The following MTRR variants were observed in gnomAD, a reference collection of about 807,000 sequenced individuals.
MTRR encodes methionine synthase reductase.
In MTRR, 63 loss-of-function variants were observed where a neutral mutation model predicts 79.2. The ratio of observed to expected loss-of-function variants is 0.80; its 90% CI spans 0.65 to 0.98. The LOEUF (loss-of-function observed/expected upper bound fraction) is 0.98, where lower values mean the gene tolerates loss of function less well. Ranked by LOEUF, MTRR falls within the 50% of genes least tolerant of loss-of-function variation. MTRR has a pLI of 0.00. For missense variants in MTRR, 895 were observed against 839.6 expected (o/e 1.07, Z -0.82); for synonymous variants, 355 against 313.3 (o/e 1.13, Z -1.41).
At chr5:7,852,554 A>G (rs1746107192) in intron 1 of MTRR, among the ~76,000 whole-genome samples, 1 of 152,090 alleles carries the variant, frequency 6.6e-6, no homozygotes. Context: ...CAGGGGACCT[A>G]GCAACCTCAT....
At chr5:7,851,735 A>G (rs564888306) in intron 1 of MTRR, 1 of 152,346 alleles carries the variant, frequency 6.6e-6, no homozygotes, top group South Asian at 2.1e-4. Flanking sequence ...GCTGCTGTGG[A>G]CAGGGCTCTT....
intron 1 of MTRR, chr5:7,861,533 A>G: frequency 7.5e-7 from 1 of 1,327,612 alleles, no homozygotes; most frequent in Non-Finnish European, 1.0e-6. Flanking sequence ...ACCGCTGCTT[A>G]TTAGCCTCAA....
In MTRR at chr5:7,863,765, G is replaced by T. The variant is rs571786874; in HGVS notation, n.498+1708G>T. ...CATGACAGATGCTAATAAATTCCAGGTGTACAACATGCTGACTATAGTTAA... is the reference window on the plus strand; with the variant it reads ...CATGACAGATGCTAATAAATTCCAGTTGTACAACATGCTGACTATAGTTAA... On this transcript the variant is annotated intron_variant and non_coding_transcript_variant, in intron 2 of 3. Transcript: ENST00000502509. Among the ~76,000 whole-genome samples, 4 of 152,268 alleles carry T rather than the reference G, an allele frequency of 2.6e-5. No homozygotes were observed. In the East Asian group the frequency reaches 7.7e-4, roughly 29 times the overall value.
upstream of MTRR, chr5:7,867,066 C>A (rs371410384): frequency 5.6e-6 from 9 of 1,614,062 alleles, no homozygotes; most frequent in African/African-American, 1.2e-4. Context: ...TATATGAACG[C>A]CTCCAAGACT....
chr5:7,897,960 C>T (rs965118079), intron 14 of MTRR, among the ~76,000 whole-genome samples: 3 of 151,648 alleles, frequency 2.0e-5, no homozygotes, highest in African/African-American at 2.4e-5. Context: ...ATACTGGCAT[C>T]GTGACCCAGA....
At position 7,889,241 on chromosome 5, in the gene MTRR, C is replaced by T. The variant is rs766885971; in HGVS notation, c.1293C>T (p.Phe431=). The T allele has an allele frequency of 5.0e-6, 8 of 1,613,082 alleles. No homozygotes were observed. The South Asian group carries it at 6.6e-5, about 13-fold the overall frequency. The part of the protein sequence containing the change: ...CACLLDLLLA[F]PSCQPPLSLL... ...GCTTGTTGGATCTCCTCCTCGCTTT[C>T]CCTTCTTGCCAGCCACCACTCAGTC... Residue 431 remains phenylalanine (F), a synonymous_variant, in exon 9 of 15, where the codon TTC becomes TTT. Coordinates refer to ENST00000440940, the MANE Select transcript of MTRR (RefSeq NM_002454.3).
At chr5:7,853,348 T>A (rs1746131718) in intron 1 of MTRR, among the ~76,000 whole-genome samples, 1 of 152,216 alleles carries the variant, frequency 6.6e-6, no homozygotes, top group Non-Finnish European at 1.5e-5. Context: ...GTAAGTTTCC[T>A]GAGGCCACCC....
At chr5:7,855,398 T>G (rs1401722659) in intron 1 of MTRR, among the ~76,000 whole-genome samples, 1 of 145,452 alleles carries the variant, frequency 6.9e-6, no homozygotes, top group East Asian at 2.0e-4. Context: ...ATAGCTTGGA[T>G]TTCTCTAGAA....
At chr5:7,858,457 T>G (rs1367921904) in intron 1 of MTRR, among the ~76,000 whole-genome samples, 1 of 152,140 alleles carries the variant, frequency 6.6e-6, no homozygotes, top group East Asian at 1.9e-4. Flanking sequence ...AATCTCAATT[T>G]GCTTCCATTG....
chr5:7,863,484 G>A (rs1277940312), intron 2 of MTRR, among the ~76,000 whole-genome samples: 1 of 152,142 alleles, frequency 6.6e-6, no homozygotes, highest in Non-Finnish European at 1.5e-5. Flanking sequence ...TGCTCATGAA[G>A]CATTCTGGAT....
Position 7,892,932 on chromosome 5 carries a change from A to T in MTRR, c.1557+19A>T, listed in dbSNP as rs1737869552. 1 of 1,608,108 alleles carries T rather than the reference A, an allele frequency of 6.2e-7. No individual in the cohort carries two copies. Among genetic ancestry groups the T allele is most frequent in the East Asian group, 2.2e-5 (1 of 44,762 alleles). ...TCCTAAGGTAAGAAATTAGTACCTTAACCTCAGCATTGTTAACTCATACTC... is the reference window on the plus strand; with the variant it reads ...TCCTAAGGTAAGAAATTAGTACCTTTACCTCAGCATTGTTAACTCATACTC... On this transcript the variant is annotated intron_variant, in intron 11 of 14. Coordinates refer to ENST00000440940, the MANE Select transcript of MTRR (RefSeq NM_002454.3).
intron 2 of MTRR, among the ~76,000 whole-genome samples, chr5:7,872,067 A>T (rs1252552770): frequency 6.6e-6 from 1 of 152,122 alleles, no homozygotes; most frequent in African/African-American, 2.4e-5. Flanking sequence ...GGTTTCGTCT[A>T]GCTGTTCATA....
rs754741724 is a variant in MTRR, at chr5:7,883,287, A to C, written c.903+10A>C. ...AGAATTGGACATTTCAGTAAGTTGC[A>C]AAATTTATTTCTCAGCACAGTAATA... On this transcript the variant is annotated intron_variant, in intron 6 of 14. Coordinates refer to ENST00000440940, the MANE Select transcript of MTRR (RefSeq NM_002454.3). The C allele has an allele frequency of 1.2e-6, 2 of 1,614,150 alleles. No homozygotes were observed. The highest frequency in any genetic ancestry group is 1.7e-6 in the Non-Finnish European group (2 of 1,180,002).
intron 8 of MTRR, among the ~76,000 whole-genome samples, chr5:7,888,732 CT>C (rs1212100580): frequency 6.6e-6 from 1 of 152,142 alleles, no homozygotes; most frequent in African/African-American, 2.4e-5. Context: ...TACTGAAGTG[CT>C]TTGTTCCTAA....
At chr5:7,861,883 G>T in intron 1 of MTRR, 1 of 781,862 alleles carries the variant, frequency 1.3e-6, no homozygotes, top group Non-Finnish European at 1.8e-6. Context: ...CTAAACCACA[G>T]AATGGGTTCT....
intron 1 of MTRR, among the ~76,000 whole-genome samples, chr5:7,857,791 C>T (rs1307519693): frequency 6.6e-6 from 1 of 152,198 alleles, no homozygotes; most frequent in African/African-American, 2.4e-5. Context: ...GAACTGTCTG[C>T]TGAATGCGTA....
At chr5:7,888,638 A>G (rs1324867142) in intron 8 of MTRR, among the ~76,000 whole-genome samples, 1 of 152,226 alleles carries the variant, frequency 6.6e-6, no homozygotes, top group East Asian at 1.9e-4. Context: ...CTGTTAAGGA[A>G]GTCCAGGACA....
chr5:7,855,019 G>A (rs1247035154), intron 1 of MTRR, among the ~76,000 whole-genome samples: 1 of 152,188 alleles, frequency 6.6e-6, no homozygotes, highest in African/African-American at 2.4e-5. Flanking sequence ...GATAGATATA[G>A]AAACAAGTTA....
At chr5:7,888,146 A>T (rs967664427) in intron 8 of MTRR, among the ~76,000 whole-genome samples, 2 of 152,156 alleles carry the variant, frequency 1.3e-5, no homozygotes, top group South Asian at 4.1e-4. Context: ...CTTGTACTGT[A>T]TTAATTTTTG....
Sources: gnomAD v4.1 joint callset for allele counts (sites outside exome capture counted in the v4.1 genomes callset) on GRCh38, gnomAD v4.1.1 for gene constraint, MANE v1.5 for transcripts, NCBI Gene and HGNC (gene_info 2026-07-23, HGNC 2026-07-21) for gene names.